Variants in KLHL20 observed in about 807,000 individuals in gnomAD.
KLHL20 encodes kelch like family member 20, also known as kelch-like protein 20.
In KLHL20, 29 loss-of-function variants were observed where a neutral mutation model predicts 69.5. That is an observed-to-expected ratio of 0.42 (90% CI 0.31 to 0.57). The LOEUF is 0.57. Ranked by LOEUF, KLHL20 falls within the 20% of genes least tolerant of loss-of-function variation. KLHL20 has a pLI of 0.18. For missense variants in KLHL20, 419 were observed against 776.0 expected (o/e 0.54, Z 5.47); for synonymous variants, 253 against 265.2 (o/e 0.95, Z 0.45).
chr1:173,751,054 C>G (rs1673289454), intron 3 of KLHL20, among the ~76,000 whole-genome samples: 1 of 152,028 alleles, frequency 6.6e-6, no homozygotes, highest in Non-Finnish European at 1.5e-5. Flanking sequence ...TAACAAACCA[C>G]GTGAAGGGTA....
chr1:173,763,990 G>T (rs997854209), intron 7 of KLHL20, among the ~76,000 whole-genome samples: 2 of 151,788 alleles, frequency 1.3e-5, no homozygotes, highest in African/African-American at 4.8e-5. Context: ...ATCTACATCT[G>T]ACAACTAATA....
At chr1:173,722,646 C>T (rs1026488901) in intron 2 of KLHL20, among the ~76,000 whole-genome samples, 3 of 151,034 alleles carry the variant, frequency 2.0e-5, no homozygotes, top group Admixed American at 6.6e-5. Context: ...TTCTACTATA[C>T]TGATGCAGTA....
At chr1:173,735,495 A>G (rs559111251) in intron 3 of KLHL20, among the ~76,000 whole-genome samples, 1 of 152,140 alleles carries the variant, frequency 6.6e-6, no homozygotes, top group Non-Finnish European at 1.5e-5. Flanking sequence ...AGAGTGCTAG[A>G]AAACCATTAA....
intron 2 of KLHL20, among the ~76,000 whole-genome samples, chr1:173,726,443 A>G (rs1671964717): frequency 1.3e-5 from 2 of 152,154 alleles, no homozygotes. Flanking sequence ...AAACGGACAG[A>G]CTGCCTCCTC....
At chr1:173,776,011 A>G (rs1300012062) in intron 10 of KLHL20, among the ~76,000 whole-genome samples, 169 bp downstream of exon 10, 2 of 152,094 alleles carry the variant, frequency 1.3e-5, no homozygotes, top group African/African-American at 4.8e-5. Flanking sequence ...TAGTTTTTTG[A>G]GGAACCTCCA....
At chr1:173,755,803 A>G (rs2273366) in intron 5 of KLHL20, 120 bp from the exon 6 acceptor site, 158,160 of 611,504 alleles carry the variant, frequency 0.26, 21,687 homozygotes, top group Middle Eastern at 0.34. Context: ...GCTGGCATTC[A>G]TGATTTGGTT....
intron 2 of KLHL20, among the ~76,000 whole-genome samples, chr1:173,724,884 A>G (rs1383465999): frequency 6.6e-6 from 1 of 152,240 alleles, no homozygotes; most frequent in African/African-American, 2.4e-5. Flanking sequence ...TAGGTATTTT[A>G]TAAGTACTTA....
At chr1:173,728,820 A>G (rs1458260710) in intron 2 of KLHL20, among the ~76,000 whole-genome samples, 1 of 152,228 alleles carries the variant, frequency 6.6e-6, no homozygotes, top group Admixed American at 6.5e-5. Context: ...TAAAAGAACT[A>G]GAGAAGCAAG....
chr1:173,720,329 CAA>C (rs1297389141), intron 2 of KLHL20, among the ~76,000 whole-genome samples: 10 of 135,118 alleles, frequency 7.4e-5, no homozygotes, highest in Non-Finnish European at 8.0e-5. Context: ...ACAGCTTGTG[CAA>C]AAAAAAAAAA....
chr1:173,772,034 G>T (rs1404844897), intron 8 of KLHL20, among the ~76,000 whole-genome samples: 1 of 152,180 alleles, frequency 6.6e-6, no homozygotes, highest in Non-Finnish European at 1.5e-5. Context: ...GTTAAATAAA[G>T]TATCTTGTAG....
chr1:173,747,551 A>G (rs1673119343), intron 3 of KLHL20, among the ~76,000 whole-genome samples: 1 of 151,840 alleles, frequency 6.6e-6, no homozygotes, highest in Non-Finnish European at 1.5e-5. Flanking sequence ...GTTTTAAGTA[A>G]TTTTCTTGAA....
chr1:173,783,093 G>C (rs994470700), intron 11 of KLHL20, among the ~76,000 whole-genome samples: 5 of 152,130 alleles, frequency 3.3e-5, no homozygotes, highest in Non-Finnish European at 7.3e-5. Context: ...CAATACTATG[G>C]GTTTGATGTA....
chr1:173,774,920 C>T (rs1648359054), intron 9 of KLHL20, among the ~76,000 whole-genome samples: 1 of 152,176 alleles, frequency 6.6e-6, no homozygotes. Context: ...AAGCAATCCT[C>T]CCACCTCAGC....
chr1:173,768,333 T>C (rs1351424322), intron 8 of KLHL20, among the ~76,000 whole-genome samples: 2 of 152,198 alleles, frequency 1.3e-5, no homozygotes, highest in African/African-American at 4.8e-5. Context: ...TCTCATGTGC[T>C]ATGATTACTG....
At chr1:173,720,317 GA>G (rs1671657707) in intron 2 of KLHL20, among the ~76,000 whole-genome samples, 1 of 150,510 alleles carries the variant, frequency 6.6e-6, no homozygotes, top group Non-Finnish European at 1.5e-5. Context: ...TAAAAGGAAG[GA>G]ACAGCTTGTG....
At chr1:173,753,361 CT>C in intron 5 of KLHL20, 54 bp downstream of exon 5, 1 of 1,328,664 alleles carries the variant, frequency 7.5e-7, no homozygotes, top group South Asian at 1.2e-5. Context: ...CTATTTTTTC[CT>C]AATTTCCTTA....
chr1:173,752,005 A>G (rs1270299515), intron 4 of KLHL20, 83 bp downstream of exon 4: 7 of 1,285,290 alleles, frequency 5.4e-6, no homozygotes, highest in Non-Finnish European at 6.6e-6. Flanking sequence ...TGGGAGGCCA[A>G]GGCAGGTGGA....
In KLHL20 at chr1:173,751,825, G is replaced by A; in HGVS notation, c.659G>A (p.Ser220Asn). Residue 220 changes from serine (S) to asparagine (N), a missense_variant, in exon 4 of 12, where the codon AGT becomes AAT. This residue lies in a region of KLHL20 where 99 missense variants were observed against 240.7 expected (regional missense o/e 0.41). Coordinates refer to ENST00000209884, the MANE Select transcript of KLHL20 (RefSeq NM_014458.4). ...AATCAACTCATTGATATAATATCCA[G>A]TGATGAGCTAAACGTTCGCAGTGAA... ...PANQLIDIIS[S>N]DELNVRSEEQ... 3 of 1,614,048 alleles carry A rather than the reference G, an allele frequency of 1.9e-6. No homozygotes were observed. Among genetic ancestry groups the A allele is most frequent in the Non-Finnish European group, 2.5e-6 (3 of 1,179,946 alleles).
chr1:173,774,260 T>C, intron 8 of KLHL20, 45 bp from the exon 9 acceptor site: 1 of 1,612,086 alleles, frequency 6.2e-7, no homozygotes, highest in South Asian at 1.1e-5. Flanking sequence ...GAAAAAGGCT[T>C]CACTTAATAA....
Sources: allele counts gnomAD v4.1 joint callset (sites outside exome capture counted in the v4.1 genomes callset), GRCh38; gene constraint gnomAD v4.1.1; regional missense constraint gnomAD v4.1.1; transcripts MANE v1.5; gene names NCBI Gene and HGNC (gene_info 2026-07-23, HGNC 2026-07-21).